The following DNAH5 variants were observed in gnomAD, a reference collection of about 807,000 sequenced individuals.
DNAH5 encodes the protein axonemal beta dynein heavy chain 5.
Under a neutral mutation model 518.2 loss-of-function variants are expected in DNAH5, and 372 were observed. That is an observed-to-expected ratio of 0.72 (90% CI 0.66 to 0.78). DNAH5 has a LOEUF of 0.78. Ranked by LOEUF, DNAH5 falls within the 30% of genes least tolerant of loss-of-function variation. DNAH5 has a pLI of 0.00. For missense variants in DNAH5, 5,523 were observed against 5,687.0 expected, an observed-to-expected ratio of 0.97 and a Z score of 0.93; for synonymous variants, 2,039 against 2,025.9, an observed-to-expected ratio of 1.01 and a Z score of -0.17.
intron 1 of DNAH5, among the ~76,000 whole-genome samples, chr5:13,991,424 A>G (rs1042083223): frequency 1.3e-5 from 2 of 151,800 alleles, no homozygotes; most frequent in Non-Finnish European, 2.9e-5. Flanking sequence ...TGCTTGTCAG[A>G]CAGACCCAGA....
At chr5:13,761,751 T>C (rs1751815707) in intron 60 of DNAH5, among the ~76,000 whole-genome samples, 1 of 152,190 alleles carries the variant, frequency 6.6e-6, no homozygotes, top group Admixed American at 6.5e-5. Flanking sequence ...ATCCATGGTG[T>C]CAGACAGCAT....
intron 33 of DNAH5, 114 bp downstream of exon 33, chr5:13,841,578 C>G (rs950845175): frequency 1.2e-6 from 1 of 812,420 alleles, no homozygotes; most frequent in African/African-American, 1.7e-5. Context: ...TTATGAAAAT[C>G]TTAATACTGG....
chr5:13,912,392 T>G (rs1776096290), intron 11 of DNAH5, among the ~76,000 whole-genome samples: 2 of 151,940 alleles, frequency 1.3e-5, no homozygotes, highest in African/African-American at 4.8e-5. Flanking sequence ...ACAAAATTAG[T>G]TCTATTTAGA....
chr5:13,830,978 T>A (rs139641474), intron 35 of DNAH5, among the ~76,000 whole-genome samples: 1 of 152,200 alleles, frequency 6.6e-6, no homozygotes, highest in African/African-American at 2.4e-5. Flanking sequence ...TAGTCTATGA[T>A]CAACTAAGTT....
Position 13,874,656 on chromosome 5 carries a change from T to G in DNAH5, c.3396+2028A>C, listed in dbSNP as rs188311171. Among the ~76,000 whole-genome samples, 5 of 152,286 alleles carry G rather than the reference T, an allele frequency of 3.3e-5. No homozygotes were observed. The East Asian group carries it at 9.6e-4, about 29-fold the overall frequency. On this transcript the variant is annotated intron_variant, in intron 22 of 78. Transcript: ENST00000265104. The stretch of plus-strand genomic sequence containing the variant: ...CCTCAGCCTAATGAGTAGCTGGGAT[T>G]ATAGACATCTGCCACCATGCCTAGC...
intron 16 of DNAH5, 39 bp from the exon 17 acceptor site, chr5:13,891,160 A>G: frequency 6.2e-7 from 1 of 1,610,944 alleles, no homozygotes; most frequent in East Asian, 2.2e-5. Flanking sequence ...GAGATTAGGT[A>G]AAGCATTTTG....
At chr5:13,742,748 A>G (rs1325348731) in intron 65 of DNAH5, among the ~76,000 whole-genome samples, 1 of 152,086 alleles carries the variant, frequency 6.6e-6, no homozygotes, top group Non-Finnish European at 1.5e-5. Flanking sequence ...ATTAAAATAA[A>G]TCTAAGTACA....
intron 54 of DNAH5, 91 bp downstream of exon 54, chr5:13,777,111 A>G (rs1290047614): frequency 7.9e-7 from 1 of 1,272,872 alleles, no homozygotes; most frequent in Non-Finnish European, 1.1e-6. Flanking sequence ...AATAGCACTT[A>G]TTCACACCAC....
intron 58 of DNAH5, among the ~76,000 whole-genome samples, chr5:13,768,499 C>T (rs552231359): frequency 2.0e-5 from 3 of 152,282 alleles, no homozygotes; most frequent in East Asian, 1.9e-4. Flanking sequence ...TGTTTAATTG[C>T]GTTGGAAGCC....
In DNAH5 at chr5:13,762,718, T is replaced by G. The variant is rs552352119; in HGVS notation, c.10281+4A>C. 1 of 1,613,864 alleles carries G rather than the reference T, an allele frequency of 6.2e-7. No homozygotes were observed. Among genetic ancestry groups the G allele is most frequent in the African/African-American group, 1.3e-5 (1 of 75,026 alleles). On this transcript the variant is annotated splice_donor_region_variant and intron_variant, in intron 60 of 78. Coordinates refer to ENST00000265104, the MANE Select transcript of DNAH5 (RefSeq NM_001369.3). Reference sequence around the variant, plus strand: ...CTTCACCCAGGTCTGCCTAGCAGGCTTACCTTCAGAGGCAGTACTTCTTTG... The same window carrying G: ...CTTCACCCAGGTCTGCCTAGCAGGCGTACCTTCAGAGGCAGTACTTCTTTG...
Position 13,713,464 on chromosome 5 carries a change from T to C in DNAH5, c.13125+941A>G, listed in dbSNP as rs867430480. Among the ~76,000 whole-genome samples the C allele has an allele frequency of 1.3e-3, 160 of 118,734 alleles. 2 individuals are homozygous for C. The highest frequency in any genetic ancestry group is 4.5e-3 in the African/African-American group (114 of 25,514). The allele number at this position is 118,734 out of a possible 152,430, so 77.9% of individuals were successfully genotyped here. On this transcript the variant is annotated intron_variant, in intron 75 of 78. Transcript: ENST00000265104. ...ATATATATATATATATATATATATA[T>C]ATACACACACCGATATATATATATA...
intron 52 of DNAH5, among the ~76,000 whole-genome samples, chr5:13,782,774 G>A (rs1755377210): frequency 6.6e-6 from 1 of 152,118 alleles, no homozygotes; most frequent in African/African-American, 2.4e-5. Context: ...ATCTGACAAA[G>A]GAACAGATAC....
chr5:13,958,411 T>C (rs1420419583), intron 1 of DNAH5, among the ~76,000 whole-genome samples: 4 of 152,190 alleles, frequency 2.6e-5, no homozygotes, highest in African/African-American at 9.6e-5. Flanking sequence ...GTATTTGTGT[T>C]TTGTTTTGTT....
chr5:13,808,246 A>AAAAAAAAAG lies in DNAH5; in HGVS notation c.7753-522_7753-521insCTTTTTTTT, dbSNP rs1377994954. Among the ~76,000 whole-genome samples the AAAAAAAAAG allele has an allele frequency of 2.2e-3, 310 of 143,626 alleles. 3 individuals are homozygous for AAAAAAAAAG. The highest frequency in any genetic ancestry group is 8.2e-3 in the African/African-American group (299 of 36,644). The allele number at this position is 143,626 out of a possible 152,430, so 94.2% of individuals were successfully genotyped here. A position where few individuals can be genotyped will look rare whatever the true frequency, so the allele number is the denominator to read the frequency against. ...ATCTCAAAAAAAAAAAAAAAAAAAA[A>AAAAAAAAAG]AAGAGGAAATTTGTATACACAAAGA... On this transcript the variant is annotated intron_variant, in intron 46 of 78. Coordinates refer to ENST00000265104, the MANE Select transcript of DNAH5 (RefSeq NM_001369.3).
At chr5:13,956,717 T>G (rs1482972894) in intron 1 of DNAH5, among the ~76,000 whole-genome samples, 1 of 152,234 alleles carries the variant, frequency 6.6e-6, no homozygotes, top group Non-Finnish European at 1.5e-5. Flanking sequence ...TACAGCATGA[T>G]TCAACTGCCA....
intron 1 of DNAH5, among the ~76,000 whole-genome samples, chr5:13,974,998 C>T (rs1782139721): frequency 6.6e-6 from 1 of 152,136 alleles, no homozygotes; most frequent in Non-Finnish European, 1.5e-5. Context: ...CTGGAGTCCA[C>T]AGGGTGAGGG....
At chr5:13,776,347 G>T in intron 55 of DNAH5, 92 bp downstream of exon 55, 1 of 1,531,494 alleles carries the variant, frequency 6.5e-7, no homozygotes, top group Non-Finnish European at 9.0e-7. Context: ...CCTGCCTGGA[G>T]ATCCAGCTGA....
At chr5:13,932,946 C>T (rs1299376372) in intron 1 of DNAH5, among the ~76,000 whole-genome samples, 2 of 152,220 alleles carry the variant, frequency 1.3e-5, no homozygotes, top group African/African-American at 4.8e-5. Flanking sequence ...CTCAATTTAG[C>T]ACGATGACTT....
At chr5:13,857,455 T>TC (rs1767786193) in intron 30 of DNAH5, among the ~76,000 whole-genome samples, 1 of 152,210 alleles carries the variant, frequency 6.6e-6, no homozygotes, top group African/African-American at 2.4e-5. Flanking sequence ...ATTTATAGAT[T>TC]CAATGCTATT....
Sources: allele counts gnomAD v4.1 joint callset (sites outside exome capture counted in the v4.1 genomes callset), GRCh38; gene constraint gnomAD v4.1.1; transcripts MANE v1.5; gene names NCBI Gene and HGNC (gene_info 2026-07-23, HGNC 2026-07-21).